GGT7: variants seen among roughly 807,000 people sequenced by gnomAD.
GGT7 encodes glutathione hydrolase 7.
In GGT7, 30 loss-of-function variants were observed where a neutral mutation model predicts 69.2. The observed-to-expected ratio is 0.43, with a 90% CI of 0.32 to 0.59. The LOEUF is 0.59. Ranked by LOEUF, GGT7 falls within the 20% of genes least tolerant of loss-of-function variation. The pLI is 0.05. For missense variants in GGT7, 733 were observed against 901.1 expected, an observed-to-expected ratio of 0.81 and a Z score of 2.39; for synonymous variants, 388 against 391.8, an observed-to-expected ratio of 0.99 and a Z score of 0.12.
intron 1 of GGT7, among the ~76,000 whole-genome samples, chr20:34,869,175 T>C (rs2079741065): frequency 6.6e-6 from 1 of 151,388 alleles, no homozygotes; most frequent in African/African-American, 2.4e-5. Context: ...TATATATATA[T>C]ATAAAATTTT....
At chr20:34,867,608 C>A (rs995092014) in intron 1 of GGT7, among the ~76,000 whole-genome samples, 25 of 152,096 alleles carry the variant, frequency 1.6e-4, no homozygotes, top group African/African-American at 5.8e-4. Context: ...CCCAACTACT[C>A]GAAAGGCTGA....
chr20:34,849,684 A>G (rs932113765), intron 14 of GGT7, among the ~76,000 whole-genome samples: 2 of 152,206 alleles, frequency 1.3e-5, no homozygotes, highest in Middle Eastern at 3.2e-3. Context: ...CAAACTGTTG[A>G]GTAAATGAAA....
Position 34,861,498 on chromosome 20 carries a change from A to G in GGT7, c.622T>C (p.Ser208Pro). 4 of 1,546,998 alleles carry G rather than the reference A, an allele frequency of 2.6e-6. No individual in the cohort carries two copies. Among genetic ancestry groups the G allele is most frequent in the Non-Finnish European group, 3.5e-6 (4 of 1,135,754 alleles). ...TCTTCCCTGAGGGCCCCTGGTGCGGACTCCCGGAAATCAATTAGGTGGCTC... is the reference window on the plus strand; with the variant it reads ...TCTTCCCTGAGGGCCCCTGGTGCGGGCTCCCGGAAATCAATTAGGTGGCTC... ...NESHLIDFRESAPGALREETL... is the reference protein window; with the variant it reads ...NESHLIDFREPAPGALREETL... The change falls in exon 4 of 15, where the codon TCC becomes CCC. Residue 208 changes from serine (S) to proline (P), a missense_variant. Coordinates refer to ENST00000336431, the MANE Select transcript of GGT7 (RefSeq NM_178026.3).
chr20:34,861,904 A>G (rs1256372372), intron 3 of GGT7, among the ~76,000 whole-genome samples: 2 of 152,052 alleles, frequency 1.3e-5, no homozygotes, highest in Non-Finnish European at 2.9e-5. Flanking sequence ...AGCTTCCTGC[A>G]CCTGTCTACT....
At position 34,863,826 on chromosome 20, in the gene GGT7, C is replaced by T. The variant is rs192927045; in HGVS notation, c.170-278G>A. ...GGCCAAATTTCCTGGCACCCAGGGC[C>T]CAGGGCTGAGAACACTTCCTGGGGG... On this transcript the variant is annotated intron_variant, in intron 1 of 14. Transcript: ENST00000336431. The surrounding 1 kb of genome is among the most constrained non-coding windows in gnomAD (Gnocchi z 4.4). 530 of 656,936 alleles carry T rather than the reference C, an allele frequency of 8.1e-4. 2 individuals carry two copies. The African/African-American group carries it at 8.6e-3, about 11-fold the overall frequency. The allele number at this position is 656,936 out of a possible 1,614,324, so 40.7% of individuals were successfully genotyped here. A position where few individuals can be genotyped will look rare whatever the true frequency, so the allele number is the denominator to read the frequency against.
chr20:34,864,486 C>T (rs984419788), intron 1 of GGT7, among the ~76,000 whole-genome samples: 1 of 151,954 alleles, frequency 6.6e-6, no homozygotes, highest in East Asian at 1.9e-4. Context: ...TCTGGGGGGC[C>T]GAGGCGGGTG....
intron 13 of GGT7, chr20:34,850,779 C>T: frequency 2.0e-6 from 1 of 493,792 alleles, no homozygotes; most frequent in Non-Finnish European, 4.0e-6. Flanking sequence ...ATCGTTAACT[C>T]ACCACCTGCC....
Position 34,851,219 on chromosome 20 carries a change from C to T in GGT7, c.1725+12G>A, listed in dbSNP as rs368581486. ...CCCGGCTGAAAAAGGCCAACCATGG[C>T]GTAAACCTCACCTGTGTCAGGCCGC... On this transcript the variant is annotated intron_variant, in intron 13 of 14. Coordinates refer to ENST00000336431, the MANE Select transcript of GGT7 (RefSeq NM_178026.3). 2.5e-5 allele frequency: 41 copies of T among 1,612,304 alleles called. No homozygotes were observed. In the South Asian group the frequency reaches 2.6e-4, roughly 10 times the overall value.
Position 34,872,768 on chromosome 20 carries a change from G to T in GGT7, c.48C>A (p.Tyr16Ter). Residue 16 changes from tyrosine to a stop codon, truncating the protein, a stop_gained, in exon 1 of 15, where the codon TAC (tyrosine) becomes TAA (stop). Transcript: ENST00000336431. LOFTEE classifies it high-confidence loss of function. The stretch of plus-strand genomic sequence containing the variant: ...TGATGCTCATGTAGTCCACTGGCGA[G>T]TAGGCGCCCAGGGCGCTCTCCTGGC... ...EASQESALGA[Y>*]SPVDYMSITS... 1 of 1,445,848 alleles carries T rather than the reference G, an allele frequency of 6.9e-7. No individual in the cohort carries two copies. Among genetic ancestry groups the T allele is most frequent in the Non-Finnish European group, 9.1e-7 (1 of 1,095,978 alleles). The allele number at this position is 1,445,848 out of a possible 1,614,324, so 89.6% of individuals were successfully genotyped here. A position where few individuals can be genotyped will look rare whatever the true frequency, so the allele number is the denominator to read the frequency against.
Position 34,863,601 on chromosome 20 carries a change from AC to A in GGT7, c.170-54del. ...GGGCATCTCCTATCTGGCCCTGCCC[AC>A]CCTCCAGGTGGGACTATTCAGCGCT... On this transcript the variant is annotated intron_variant, in intron 1 of 14. Transcript: ENST00000336431. This position sits in a 1 kb window ranked among gnomAD's most constrained non-coding sequence, Gnocchi z 4.4. 14 of 1,227,758 alleles carry A rather than the reference AC, an allele frequency of 1.1e-5. No homozygotes were observed. The highest frequency in any genetic ancestry group is 1.5e-5 in the Non-Finnish European group (13 of 853,392). The allele number at this position is 1,227,758 out of a possible 1,614,324, so 76.1% of individuals were successfully genotyped here. A position where few individuals can be genotyped will look rare whatever the true frequency, so the allele number is the denominator to read the frequency against.
At chr20:34,851,084 T>G in intron 13 of GGT7, 147 bp downstream of exon 13, 2 of 942,012 alleles carry the variant, frequency 2.1e-6, no homozygotes, top group Middle Eastern at 2.1e-4. Context: ...ATGTCCACAT[T>G]GCCCAGGATG....
Position 34,845,319 on chromosome 20 carries a change from C to G in GGT7, c.*9G>C, listed in dbSNP as rs1407761075. 3.7e-6 allele frequency: 6 copies of G among 1,610,142 alleles called. No homozygotes were observed. The South Asian group carries it at 5.5e-5, about 15-fold the overall frequency. Reference sequence around the variant, plus strand: ...TGGGGGAGCAGAGACCCCGCCCCACCCCGCTGCTCTACAGGATGGTGGCTC... The same window carrying G: ...TGGGGGAGCAGAGACCCCGCCCCACGCCGCTGCTCTACAGGATGGTGGCTC... On this transcript the variant is annotated 3_prime_UTR_variant, in exon 15 of 15. Coordinates refer to ENST00000336431, the MANE Select transcript of GGT7 (RefSeq NM_178026.3).
At chr20:34,862,181 C>A (rs1276758405) in intron 3 of GGT7, among the ~76,000 whole-genome samples, 1 of 152,150 alleles carries the variant, frequency 6.6e-6, no homozygotes, top group South Asian at 2.1e-4. Flanking sequence ...ACAGTGCATG[C>A]CCATCATGGG....
Position 34,863,738 on chromosome 20 carries a change from G to A in GGT7, c.170-190C>T. The stretch of plus-strand genomic sequence containing the variant: ...CGGGGCAACGGTGCCCGGCTAGGAA[G>A]AGACAGGGACCTCCCCAGCTGGGCA... On this transcript the variant is annotated intron_variant, in intron 1 of 14. Coordinates refer to ENST00000336431, the MANE Select transcript of GGT7 (RefSeq NM_178026.3). This position sits in a 1 kb window ranked among gnomAD's most constrained non-coding sequence, Gnocchi z 4.4. 2.8e-6 allele frequency: 2 copies of A among 715,922 alleles called. No homozygotes were observed. The highest frequency in any genetic ancestry group is 5.2e-6 in the Non-Finnish European group (2 of 384,940). The allele number at this position is 715,922 out of a possible 1,614,324, so 44.3% of individuals were successfully genotyped here. A position where few individuals can be genotyped will look rare whatever the true frequency, so the allele number is the denominator to read the frequency against.
chr20:34,855,457 T>C (rs994904192), intron 8 of GGT7, among the ~76,000 whole-genome samples: 2 of 152,226 alleles, frequency 1.3e-5, no homozygotes, highest in Non-Finnish European at 2.9e-5. Context: ...GTGGCTACTG[T>C]TATCACACAT....
At chr20:34,853,343 GTGT>G (rs2079430767) in intron 10 of GGT7, among the ~76,000 whole-genome samples, 6 of 17,596 alleles carry the variant, frequency 3.4e-4, no homozygotes, top group South Asian at 2.9e-3. Flanking sequence ...TCATATAGGT[GTGT>G]GTGTGTGTGT....
At position 34,845,252 on chromosome 20, in the gene GGT7, G is replaced by T; in HGVS notation, c.*76C>A. The T allele has an allele frequency of 1.4e-6, 2 of 1,437,780 alleles. No individual in the cohort carries two copies. The highest frequency in any genetic ancestry group is 1.3e-5 in the South Asian group (1 of 76,922). The allele number at this position is 1,437,780 out of a possible 1,614,324, so 89.1% of individuals were successfully genotyped here. A position where few individuals can be genotyped will look rare whatever the true frequency, so the allele number is the denominator to read the frequency against. On this transcript the variant is annotated 3_prime_UTR_variant, in exon 15 of 15. Coordinates refer to ENST00000336431, the MANE Select transcript of GGT7 (RefSeq NM_178026.3). ...TGGGGCATCCCTGGGGTCCCCCTGAGACCAAACCTGGGAGAAGGAGGGACT... is the reference window on the plus strand; with the variant it reads ...TGGGGCATCCCTGGGGTCCCCCTGATACCAAACCTGGGAGAAGGAGGGACT...
Position 34,845,153 on chromosome 20 carries a change from A to ACCACCACCACCACCACCACCC in GGT7, c.*174_*175insGGGTGGTGGTGGTGGTGGTGG. On this transcript the variant is annotated 3_prime_UTR_variant, in exon 15 of 15. Transcript: ENST00000336431. ...CACCACCACCACCACCACCACCACC[A>ACCACCACCACCACCACCACCC]CAGGCCTCCTGATGGAGAATTTTCC... 3.5e-6 allele frequency: 1 copy of ACCACCACCACCACCACCACCC among 283,588 alleles called. No homozygotes were observed. Among genetic ancestry groups the ACCACCACCACCACCACCACCC allele is most frequent in the South Asian group, 2.8e-5 (1 of 36,020 alleles). 17.6% of individuals were successfully genotyped at this position (283,588 alleles called of 1,614,324 possible). A position where few individuals can be genotyped will look rare whatever the true frequency, so the allele number is the denominator to read the frequency against.
Position 34,852,289 on chromosome 20 carries a change from G to C in GGT7, c.1470-17C>G, listed in dbSNP as rs1409134297. The C allele has an allele frequency of 1.9e-6, 3 of 1,605,264 alleles. No homozygotes were observed. Among genetic ancestry groups the C allele is most frequent in the Admixed American group, 3.3e-5 (2 of 59,996 alleles). On this transcript the variant is annotated splice_polypyrimidine_tract_variant and intron_variant, in intron 11 of 14. Transcript: ENST00000336431. ...TTCAGGGAGCTGGGGGCCGAGGTGGGGTTGGGTGAGCCCTGGCCCATCCTC... is the reference window on the plus strand; with the variant it reads ...TTCAGGGAGCTGGGGGCCGAGGTGGCGTTGGGTGAGCCCTGGCCCATCCTC...
Sources: allele counts gnomAD v4.1 joint callset (sites outside exome capture counted in the v4.1 genomes callset), GRCh38; gene constraint gnomAD v4.1.1; non-coding constraint Gnocchi (gnomAD v3.1); transcripts MANE v1.5; gene names NCBI Gene and HGNC (gene_info 2026-07-23, HGNC 2026-07-21).